The following DLEU7 variants were observed in gnomAD, a reference collection of about 807,000 sequenced individuals.
DLEU7 encodes the protein deleted in lymphocytic leukemia 7.
A neutral mutation model predicts 16.0 loss-of-function variants in DLEU7; 17 were observed. That is an observed-to-expected ratio of 1.06 (90% CI 0.73 to 1.59). The LOEUF is 1.59. Among genes scored for constraint, DLEU7 ranks in the 40% most tolerant of loss-of-function variants. DLEU7 has a pLI of 0.00. For synonymous variants in DLEU7, 113 were observed against 139.8 expected, an observed-to-expected ratio of 0.81 and a Z score of 1.35; for missense variants, 308 against 314.9, an observed-to-expected ratio of 0.98 and a Z score of 0.17.
At chr13:50,826,241 G>A (rs1233449333) in intron 1 of DLEU7, among the ~76,000 whole-genome samples, 1 of 152,102 alleles carries the variant, frequency 6.6e-6, no homozygotes, top group Non-Finnish European at 1.5e-5. Flanking sequence ...CTACTGTGCG[G>A]TGTGGTTCCT....
downstream of DLEU7, chr13:50,822,704 C>T (rs188108770): frequency 1.6e-4 from 154 of 985,246 alleles, no homozygotes; most frequent in African/African-American, 2.6e-3. Context: ...AGCTCACTAT[C>T]ACTTTAAGTT....
At chr13:50,806,908 A>C (rs968334619) in intron 1 of DLEU7, among the ~76,000 whole-genome samples, 5 of 142,668 alleles carry the variant, frequency 3.5e-5, no homozygotes, top group Non-Finnish European at 3.0e-5. Context: ...GCACCATTGC[A>C]CTCCAGCCTG....
intron 1 of DLEU7, among the ~76,000 whole-genome samples, chr13:50,738,812 T>C (rs1346916762): frequency 1.3e-5 from 2 of 152,226 alleles, no homozygotes; most frequent in Non-Finnish European, 2.9e-5. Flanking sequence ...ATCTGAGGTG[T>C]ACTGTGTTGG....
At chr13:50,817,605 A>G (rs916434419) in intron 1 of DLEU7, among the ~76,000 whole-genome samples, 1 of 152,172 alleles carries the variant, frequency 6.6e-6, no homozygotes, top group East Asian at 1.9e-4. Flanking sequence ...TTACTGCATG[A>G]GGATCTGGCA....
At chr13:50,741,694 G>C (rs1286112051) in intron 1 of DLEU7, among the ~76,000 whole-genome samples, 1 of 151,908 alleles carries the variant, frequency 6.6e-6, no homozygotes, top group Non-Finnish European at 1.5e-5. Flanking sequence ...TTTTACATTT[G>C]AGGAGAGCTT....
At chr13:50,840,394 T>C (rs1050933464) in intron 1 of DLEU7, among the ~76,000 whole-genome samples, 1 of 152,172 alleles carries the variant, frequency 6.6e-6, no homozygotes, top group African/African-American at 2.4e-5. Flanking sequence ...GTGGAGATAT[T>C]ACCTATTCTG....
intron 1 of DLEU7, among the ~76,000 whole-genome samples, chr13:50,745,126 C>T (rs1874358064): frequency 6.6e-6 from 1 of 152,170 alleles, no homozygotes; most frequent in African/African-American, 2.4e-5. Context: ...CCTATGTTCA[C>T]AGCAGCATTA....
At chr13:50,817,808 G>A (rs112219497) in intron 1 of DLEU7, among the ~76,000 whole-genome samples, 2 of 152,080 alleles carry the variant, frequency 1.3e-5, no homozygotes, top group Admixed American at 6.6e-5. Flanking sequence ...TCCTCAATCA[G>A]TGTAAGGCAG....
At chr13:50,714,037 A>G (rs1873369385) in intron 1 of DLEU7, among the ~76,000 whole-genome samples, 1 of 152,094 alleles carries the variant, frequency 6.6e-6, no homozygotes, top group Non-Finnish European at 1.5e-5. Flanking sequence ...TCTGTTGGAA[A>G]CTCAAGTTGT....
At chr13:50,801,007 T>C (rs1255571483) in intron 1 of DLEU7, among the ~76,000 whole-genome samples, 4 of 152,102 alleles carry the variant, frequency 2.6e-5, no homozygotes, top group African/African-American at 7.2e-5. Context: ...TGGGGCTGAC[T>C]CTCAATTTGG....
chr13:50,769,192 T>A (rs184126859), intron 1 of DLEU7, among the ~76,000 whole-genome samples: 2 of 152,350 alleles, frequency 1.3e-5, no homozygotes, highest in East Asian at 3.9e-4. Flanking sequence ...TATTAGCCCT[T>A]TGACAGATGG....
chr13:50,825,170 T>C (rs1361799842), intron 1 of DLEU7, among the ~76,000 whole-genome samples: 1 of 152,190 alleles, frequency 6.6e-6, no homozygotes, highest in Non-Finnish European at 1.5e-5. Flanking sequence ...TATTTCTGCA[T>C]GCTTTATCAA....
At chr13:50,842,090 A>AG (rs1877683344) in intron 1 of DLEU7, among the ~76,000 whole-genome samples, 10 of 152,204 alleles carry the variant, frequency 6.6e-5, no homozygotes, top group Admixed American at 6.5e-4. Flanking sequence ...ACAACAAAGA[A>AG]TTAGCCAGGT....
chr13:50,829,565 A>C lies in DLEU7; in HGVS notation c.460-6045T>G, dbSNP rs58919532. 1.7e-3 allele frequency among the ~76,000 whole-genome samples: 266 copies of C among 152,304 alleles called. 8 individuals are homozygous for C. The East Asian group carries it at 0.042, about 24-fold the overall frequency. ...GAATCAAAGAAGGTGTTGCTTGGGG[A>C]AATTACATGTACAATAAAATTCGAC... On this transcript the variant is annotated intron_variant, in intron 1 of 1. Coordinates refer to ENST00000504404, the MANE Select transcript of DLEU7 (RefSeq NM_001306135.2).
chr13:50,815,946 C>T (rs1876721540), intron 1 of DLEU7, among the ~76,000 whole-genome samples: 1 of 151,988 alleles, frequency 6.6e-6, no homozygotes, highest in Non-Finnish European at 1.5e-5. Flanking sequence ...CAGAAAAGTA[C>T]AATTTTATAA....
At chr13:50,757,004 G>T (rs9596342) in intron 1 of DLEU7, among the ~76,000 whole-genome samples, 4,217 of 152,262 alleles carry the variant, frequency 0.028, 165 homozygotes, top group African/African-American at 0.091. Context: ...CTCCAGTGAG[G>T]GTGTGTGTTC....
At chr13:50,812,681 G>A (rs1050373730) in intron 1 of DLEU7, among the ~76,000 whole-genome samples, 1 of 151,948 alleles carries the variant, frequency 6.6e-6, no homozygotes, top group African/African-American at 2.4e-5. Flanking sequence ...AGGATTCAGG[G>A]TGTTACTTGT....
intron 1 of DLEU7, chr13:50,723,272 A>G (rs1251118557): frequency 6.6e-6 from 1 of 152,206 alleles, no homozygotes; most frequent in African/African-American, 2.4e-5. Flanking sequence ...ATAATTAGCC[A>G]TCAATTTTAT....
intron 1 of DLEU7, among the ~76,000 whole-genome samples, chr13:50,717,307 A>C (rs955510557): frequency 6.6e-6 from 1 of 152,218 alleles, no homozygotes; most frequent in African/African-American, 2.4e-5. Flanking sequence ...TGCTGGACAC[A>C]GATGGTAAGT....
Sources: gnomAD v4.1 joint callset for allele counts (sites outside exome capture counted in the v4.1 genomes callset) on GRCh38, gnomAD v4.1.1 for gene constraint, MANE v1.5 for transcripts, NCBI Gene and HGNC (gene_info 2026-07-23, HGNC 2026-07-21) for gene names.